The following HAUS8 variants were observed in gnomAD, a reference collection of about 807,000 sequenced individuals.
The protein encoded by HAUS8 is HAUS augmin like complex subunit 8.
In HAUS8, 38 loss-of-function variants were observed where a neutral mutation model predicts 42.9. The observed-to-expected ratio is 0.89, with a 90% CI of 0.68 to 1.16. The LOEUF (loss-of-function observed/expected upper bound fraction) is 1.16. Ranked by LOEUF, HAUS8 falls within the 50% of genes most tolerant of loss-of-function variation. The pLI is 0.00. For synonymous variants in HAUS8, 199 were observed against 205.8 expected, an observed-to-expected ratio of 0.97 and a Z score of 0.28; for missense variants, 494 against 511.6, an observed-to-expected ratio of 0.97 and a Z score of 0.33.
At chr19:17,058,163 G>A (rs1418782129) in intron 8 of HAUS8, among the ~76,000 whole-genome samples, 2 of 152,186 alleles carry the variant, frequency 1.3e-5, no homozygotes, top group South Asian at 2.1e-4. Flanking sequence ...CCAGGGGTTT[G>A]TTCCTGTCCT....
At chr19:17,052,442 A>G (rs2057293180) in intron 10 of HAUS8, 1 of 174,880 alleles carries the variant, frequency 5.7e-6, no homozygotes. Context: ...TTAGCTGGGC[A>G]TGGTGGCGCA....
rs199998046 is a variant in HAUS8, at chr19:17,064,042, AG to A, written c.148-1264del. Among the ~76,000 whole-genome samples, 115 of 152,348 alleles carry A rather than the reference AG, an allele frequency of 7.5e-4. 2 individuals carry two copies. In the East Asian group the frequency reaches 0.021, roughly 28 times the overall value. On this transcript the variant is annotated intron_variant, in intron 3 of 10. Transcript: ENST00000253669. Reference sequence around the variant, plus strand: ...TTTCTCTGGAGAACTCTAATACAGCAGGGGTGCAGGACACACGATCAATATG... The same window carrying A: ...TTTCTCTGGAGAACTCTAATACAGCAGGGTGCAGGACACACGATCAATATG...
intron 2 of HAUS8, 130 bp from the exon 3 acceptor site, chr19:17,069,216 A>ACCACT: frequency 1.3e-6 from 1 of 769,884 alleles, no homozygotes; most frequent in East Asian, 2.7e-5. Context: ...AGAGGAGGTC[A>ACCACT]CCACTCCTCC....
intron 4 of HAUS8, among the ~76,000 whole-genome samples, 158 bp downstream of exon 4, chr19:17,062,540 T>G (rs2057366826): frequency 6.6e-6 from 1 of 151,812 alleles, no homozygotes; most frequent in Admixed American, 6.6e-5. Flanking sequence ...CCCACTCACC[T>G]CCCCACATCC....
chr19:17,059,609 ATT>A lies in HAUS8; in HGVS notation c.366_367del (p.Ser124LysfsTer4). 2 of 1,613,836 alleles carry A rather than the reference ATT, an allele frequency of 1.2e-6. No individual in the cohort carries two copies. The highest frequency in any genetic ancestry group is 1.7e-6 in the Non-Finnish European group (2 of 1,179,914). ...TGATGTTGACTCAGGTTTCTTTGAT[ATT>A]GTTTTTGCTAACTGTGGCGTCTTTT... On this transcript the variant is annotated frameshift_variant, in exon 6 of 11. Transcript: ENST00000253669. LOFTEE classifies it high-confidence loss of function.
At chr19:17,063,010 T>C (rs1055712137) in intron 3 of HAUS8, among the ~76,000 whole-genome samples, 1 of 152,258 alleles carries the variant, frequency 6.6e-6, no homozygotes, top group African/African-American at 2.4e-5. Context: ...CTGGTGATTA[T>C]TGACATGGTA....
At chr19:17,052,576 C>CAAA in intron 10 of HAUS8, 2 of 354,844 alleles carry the variant, frequency 5.6e-6, no homozygotes, top group Non-Finnish European at 1.0e-5. Context: ...GAACCTGTCT[C>CAAA]AAAAAAAAAA....
Position 17,056,116 on chromosome 19 carries a change from C to A in HAUS8, c.646-114G>T. On this transcript the variant is annotated intron_variant, in intron 8 of 10. Transcript: ENST00000253669. ...TACAGCGCTGTTCTTCACCACCCCC[C>A]AGGGAATCAGAGCTCAGGAAGTTTC... 5.0e-6 allele frequency: 5 copies of A among 997,552 alleles called. No homozygotes were observed. In the South Asian group the frequency reaches 7.4e-5, roughly 15 times the overall value. The allele number at this position is 997,552 out of a possible 1,614,324, so 61.8% of individuals were successfully genotyped here.
Position 17,050,060 on chromosome 19 carries a change from T to C in HAUS8, c.1046A>G (p.Asn349Ser), listed in dbSNP as rs770158876. The C allele has an allele frequency of 3.4e-5, 54 of 1,605,368 alleles. No individual in the cohort carries two copies. The highest frequency in any genetic ancestry group is 1.4e-4 in the Admixed American group (8 of 58,652). ...GMAPPSRWYF[N>S]QDSACRESGG... ...AGATTCTCTGCAGGCACTGTCTTGA[T>C]TGAAATACCACCGGCTGGGGGGCGC... The change falls in exon 11 of 11, where the codon AAT (asparagine) becomes AGT (serine). Residue 349 changes from asparagine (N) to serine (S), a missense_variant. By Grantham distance (46) the Asn-to-Ser change is conservative. Transcript: ENST00000253669.
Position 17,052,919 on chromosome 19 carries a change from G to T in HAUS8, c.835C>A (p.Leu279Ile). Residue 279 changes from leucine to isoleucine, a missense_variant, in exon 10 of 11, where the codon CTT (leucine) becomes ATT (isoleucine). Physicochemically the swap from Leu to Ile is conservative, Grantham distance 5. Coordinates refer to ENST00000253669, the MANE Select transcript of HAUS8 (RefSeq NM_033417.2). ...LVTTQRLLGE[L>I]DVGDSEENVQ... ...TTTTCTTCCGAATCACCAACATCAA[G>T]TTCTCCCAGGAGGCGCTGAGTGGTC... 6.2e-7 allele frequency: 1 copy of T among 1,614,184 alleles called. No individual in the cohort carries two copies. Among genetic ancestry groups the T allele is most frequent in the Non-Finnish European group, 8.5e-7 (1 of 1,180,028 alleles).
At chr19:17,065,757 G>A (rs922435233) in intron 3 of HAUS8, among the ~76,000 whole-genome samples, 13 of 151,568 alleles carry the variant, frequency 8.6e-5, no homozygotes, top group Non-Finnish European at 1.6e-4. Context: ...CCGGGAGGCA[G>A]AGGTTGCAGT....
At chr19:17,070,010 C>T (rs1035255038) in intron 2 of HAUS8, among the ~76,000 whole-genome samples, 2 of 152,094 alleles carry the variant, frequency 1.3e-5, no homozygotes, top group African/African-American at 2.4e-5. Flanking sequence ...CCGCAACTCC[C>T]ACCTCCCTGC....
At chr19:17,064,061 T>C (rs564589798) in intron 3 of HAUS8, among the ~76,000 whole-genome samples, 29 of 152,338 alleles carry the variant, frequency 1.9e-4, no homozygotes, top group African/African-American at 7.0e-4. Context: ...GGACACACGA[T>C]CAATATGTAA....
intron 2 of HAUS8, among the ~76,000 whole-genome samples, chr19:17,070,425 G>A (rs756098288): frequency 4.6e-5 from 7 of 152,164 alleles, no homozygotes; most frequent in Admixed American, 1.3e-4. Context: ...AAGTGCCTCC[G>A]GGAACCTTCT....
In HAUS8 at chr19:17,066,274, A is replaced by AC. The variant is rs1236282599; in HGVS notation, c.147+2756_147+2757insG. Among the ~76,000 whole-genome samples the AC allele has an allele frequency of 3.3e-5, 5 of 152,010 alleles. No individual in the cohort carries two copies. The South Asian group carries it at 6.2e-4, about 19-fold the overall frequency. ...GCCACTTGGCTAATGAAAAAAAAAA[A>AC]ATTTCAGAGACGGGGTCTCGCCCAT... is the stretch of plus-strand genomic sequence containing the variant. On this transcript the variant is annotated intron_variant, in intron 3 of 10. Transcript: ENST00000253669.
intron 8 of HAUS8, among the ~76,000 whole-genome samples, chr19:17,056,990 T>C (rs961836337): frequency 6.6e-6 from 1 of 152,042 alleles, no homozygotes; most frequent in East Asian, 1.9e-4. Context: ...AGCAAACCTC[T>C]TGCCTCAGCT....
chr19:17,064,104 A>T (rs1016396158), intron 3 of HAUS8, among the ~76,000 whole-genome samples: 1 of 152,250 alleles, frequency 6.6e-6, no homozygotes, highest in African/African-American at 2.4e-5. Flanking sequence ...AGTAGCAATG[A>T]ACAAGTTTGG....
intron 9 of HAUS8, chr19:17,055,134 AAAAAAAAAAATATATATATATATAT>A (rs2057313430): frequency 2.6e-5 from 1 of 39,014 alleles, no homozygotes; most frequent in African/African-American, 1.1e-4. Context: ...AAAAAAAAAA[AAAAAAAAAAATATATATATATATAT>A]ATATATATAT....
intron 9 of HAUS8, 123 bp from the exon 10 acceptor site, chr19:17,053,089 C>T (rs991617820): frequency 5.2e-6 from 6 of 1,145,634 alleles, no homozygotes; most frequent in Non-Finnish European, 6.3e-6. Flanking sequence ...CCGTGGAGAG[C>T]GCACAGGGAA....
Sources: gnomAD v4.1 joint callset for allele counts (sites outside exome capture counted in the v4.1 genomes callset) on GRCh38, gnomAD v4.1.1 for gene constraint, MANE v1.5 for transcripts, NCBI Gene and HGNC (gene_info 2026-07-23, HGNC 2026-07-21) for gene names.